Variants in SOBP observed in about 807,000 individuals in gnomAD.
SOBP encodes sine oculis binding protein homolog, also known as sine oculis-binding protein homolog.
In SOBP, 4 loss-of-function variants were observed where a neutral mutation model predicts 53.6. The observed-to-expected ratio is 0.07, with a 90% CI of 0.04 to 0.17. The LOEUF (loss-of-function observed/expected upper bound fraction) is 0.17. Ranked by LOEUF, SOBP falls within the 10% of genes least tolerant of loss-of-function variation. SOBP has a pLI of 1.00. For missense variants in SOBP, 1,088 were observed against 1,204.7 expected (o/e 0.90, Z 1.43); for synonymous variants, 584 against 522.6 (o/e 1.12, Z -1.60).
At chr6:107,492,212 G>C (rs1782596908) in intron 1 of SOBP, among the ~76,000 whole-genome samples, 1 of 151,836 alleles carries the variant, frequency 6.6e-6, no homozygotes, top group Non-Finnish European at 1.5e-5. Context: ...GTTGTTTTTT[G>C]ATGGGAACAA....
chr6:107,550,013 C>T (rs1335400950), intron 4 of SOBP, among the ~76,000 whole-genome samples: 1 of 152,210 alleles, frequency 6.6e-6, no homozygotes, highest in Non-Finnish European at 1.5e-5. Flanking sequence ...GGTCCCTCCT[C>T]TCCACACCTG....
rs1171940464 is a variant in SOBP at position 107,535,633 on chromosome 6, GTGTGTT to G, written c.573+2025_573+2030del. Among the ~76,000 whole-genome samples, 123 of 144,070 alleles carry G rather than the reference GTGTGTT, an allele frequency of 8.5e-4. 1 individual carries two copies. Among genetic ancestry groups the G allele is most frequent in the African/African-American group, 3.2e-3 (120 of 37,238 alleles). The allele number at this position is 144,070 out of a possible 152,430, so 94.5% of individuals were successfully genotyped here. On this transcript the variant is annotated intron_variant, in intron 4 of 6. Coordinates refer to ENST00000317357, the MANE Select transcript of SOBP (RefSeq NM_018013.4). ...CCTTCTTGTGTGTGTGTGTGTGTGTGTGTGTTTTTTTTTTTTCCAAATAGAGAAATA... is the reference window on the plus strand; with the variant it reads ...CCTTCTTGTGTGTGTGTGTGTGTGTGTTTTTTTTTTCCAAATAGAGAAATA...
At position 107,490,574 on chromosome 6, in the gene SOBP, C is replaced by A. The variant is rs1005254737; in HGVS notation, c.-43C>A. On this transcript the variant is annotated 5_prime_UTR_variant, in exon 1 of 7. Transcript: ENST00000317357. ...CCGCCGCCACCACCACCGCCGGCGGCGGCAGCAGCCATTTCATCTCCACAG... is the reference window on the plus strand; with the variant it reads ...CCGCCGCCACCACCACCGCCGGCGGAGGCAGCAGCCATTTCATCTCCACAG... 15 of 1,474,878 alleles carry A rather than the reference C, an allele frequency of 1.0e-5. No individual in the cohort carries two copies. The highest frequency in any genetic ancestry group is 1.4e-5 in the African/African-American group (1 of 71,744). The allele number at this position is 1,474,878 out of a possible 1,614,324, so 91.4% of individuals were successfully genotyped here. A position where few individuals can be genotyped will look rare whatever the true frequency, so the allele number is the denominator to read the frequency against.
intron 5 of SOBP, among the ~76,000 whole-genome samples, chr6:107,620,252 A>G (rs1372661762): frequency 6.6e-6 from 1 of 152,048 alleles, no homozygotes; most frequent in African/African-American, 2.4e-5. Context: ...CTTCTACTCC[A>G]TCCACTTCCA....
intron 5 of SOBP, among the ~76,000 whole-genome samples, chr6:107,618,861 CGTAG>C (rs1354731925): frequency 6.6e-6 from 1 of 152,082 alleles, no homozygotes; most frequent in Non-Finnish European, 1.5e-5. Context: ...TTGTGGGCTG[CGTAG>C]GGTAACTAGA....
chr6:107,513,277 C>G (rs1322543881), intron 3 of SOBP, among the ~76,000 whole-genome samples: 1 of 152,120 alleles, frequency 6.6e-6, no homozygotes, highest in Non-Finnish European at 1.5e-5. Flanking sequence ...CCATTATAGT[C>G]AGGGAAATAT....
In SOBP at chr6:107,592,922, C is replaced by T. The variant is rs1033045685; in HGVS notation, c.669+5747C>T. ...ATCTTAGACTAAGCAAGAGGCAGTTCTGATAGAGGTGGCATAATTATGCTC... is the reference window on the plus strand; with the variant it reads ...ATCTTAGACTAAGCAAGAGGCAGTTTTGATAGAGGTGGCATAATTATGCTC... On this transcript the variant is annotated intron_variant, in intron 5 of 6. Transcript: ENST00000317357. 4.6e-5 allele frequency among the ~76,000 whole-genome samples: 7 copies of T among 152,330 alleles called. No homozygotes were observed. In the South Asian group the frequency reaches 1.5e-3, roughly 32 times the overall value.
intron 6 of SOBP, among the ~76,000 whole-genome samples, chr6:107,653,905 G>A (rs1370698745): frequency 6.6e-6 from 1 of 152,160 alleles, no homozygotes; most frequent in African/African-American, 2.4e-5. Flanking sequence ...GGTGAGAGTG[G>A]CCATATTTTG....
At position 107,635,073 on chromosome 6, in the gene SOBP, G is replaced by C; in HGVS notation, c.2229G>C (p.Glu743Asp). Residue 743 changes from glutamate (E) to aspartate (D), a missense_variant, in exon 6 of 7, where the codon GAG becomes GAC. Glu to Asp is a conservative substitution (Grantham distance 45, BLOSUM62 2). Around this residue, in one of 6 missense-constraint regions of SOBP, gnomAD observed 665 missense variants for 629.7 expected, o/e 1.06. Coordinates refer to ENST00000317357, the MANE Select transcript of SOBP (RefSeq NM_018013.4). The surrounding 1 kb of genome is among the most constrained non-coding windows in gnomAD (Gnocchi z 4.5). ...EGAKSAEPPP[E>D]QPPPPPPPAP... ...CTAAGAGCGCGGAGCCGCCTCCCGA[G>C]CAGCCGCCGCCGCCGCCGCCGCCCG... The C allele has an allele frequency of 1.9e-6, 3 of 1,562,984 alleles. No homozygotes were observed. The highest frequency in any genetic ancestry group is 2.6e-6 in the Non-Finnish European group (3 of 1,155,390).
At chr6:107,579,067 G>A (rs1264101300) in intron 4 of SOBP, among the ~76,000 whole-genome samples, 3 of 152,228 alleles carry the variant, frequency 2.0e-5, no homozygotes, top group African/African-American at 7.2e-5. Context: ...CAGCAGCAAA[G>A]TGGAATCATT....
chr6:107,629,124 T>TA (rs1770590019), intron 5 of SOBP, among the ~76,000 whole-genome samples: 2 of 152,218 alleles, frequency 1.3e-5, no homozygotes, highest in African/African-American at 4.8e-5. Context: ...TCTGAGCTGT[T>TA]ACCTAGGAGA....
chr6:107,619,496 G>T (rs1786923440), intron 5 of SOBP, among the ~76,000 whole-genome samples: 1 of 152,102 alleles, frequency 6.6e-6, no homozygotes, highest in South Asian at 2.1e-4. Flanking sequence ...TTGGGCCATG[G>T]GATCCTTTTT....
At chr6:107,512,453 C>A (rs1228919299) in intron 3 of SOBP, among the ~76,000 whole-genome samples, 1 of 152,186 alleles carries the variant, frequency 6.6e-6, no homozygotes, top group Non-Finnish European at 1.5e-5. Flanking sequence ...TTGGTTCCCT[C>A]CAAGTTTGAT....
At chr6:107,636,045 A>G (rs1025592482) in intron 6 of SOBP, among the ~76,000 whole-genome samples, 1 of 152,150 alleles carries the variant, frequency 6.6e-6, no homozygotes. Context: ...TGTCAACTGA[A>G]CCCAGGCCAC....
chr6:107,515,973 A>C (rs1407481798), intron 3 of SOBP, among the ~76,000 whole-genome samples: 4 of 152,238 alleles, frequency 2.6e-5, no homozygotes, highest in Non-Finnish European at 5.9e-5. Flanking sequence ...CATTAACAGA[A>C]TAAAGTAATA....
chr6:107,571,527 G>C (rs1785073513), intron 4 of SOBP, among the ~76,000 whole-genome samples: 1 of 152,190 alleles, frequency 6.6e-6, no homozygotes, highest in East Asian at 1.9e-4. Context: ...CTTTGCAATG[G>C]TGGCAACAGT....
At chr6:107,535,639 T>G (rs4946838) in intron 4 of SOBP, among the ~76,000 whole-genome samples, 3,956 of 129,598 alleles carry the variant, frequency 0.031, 66 homozygotes, top group African/African-American at 0.076. Context: ...GTGTGTGTGT[T>G]TTTTTTTTTT....
intron 4 of SOBP, among the ~76,000 whole-genome samples, chr6:107,578,073 C>CAAAAA (rs11362582): frequency 2.3e-5 from 2 of 87,468 alleles, no homozygotes; most frequent in Non-Finnish European, 4.6e-5. Flanking sequence ...GACTCTGTCT[C>CAAAAA]AAAAAAAAAA....
chr6:107,591,673 G>A (rs12202274), intron 5 of SOBP, among the ~76,000 whole-genome samples: 28 of 152,264 alleles, frequency 1.8e-4, no homozygotes, highest in Admixed American at 3.9e-4. Context: ...CCATATGCAG[G>A]GGTTTCAATA....
Sources: allele counts gnomAD v4.1 joint callset (sites outside exome capture counted in the v4.1 genomes callset), GRCh38; gene constraint gnomAD v4.1.1; regional missense constraint gnomAD v4.1.1; non-coding constraint Gnocchi (gnomAD v3.1); transcripts MANE v1.5; gene names NCBI Gene and HGNC (gene_info 2026-07-23, HGNC 2026-07-21).